SPAST: variants seen among roughly 807,000 people sequenced by gnomAD.
SPAST encodes the protein spastic paraplegia 4 (autosomal dominant; spastin).
SPAST carries 30 observed loss-of-function variants against 76.6 expected under a neutral mutation model. That is an observed-to-expected ratio of 0.39 (90% CI 0.29 to 0.53). The LOEUF (loss-of-function observed/expected upper bound fraction) is 0.53. Ranked by LOEUF, SPAST falls within the 20% of genes least tolerant of loss-of-function variation. The pLI, the probability that SPAST is intolerant of heterozygous loss-of-function variation, is 0.68. For synonymous variants in SPAST, 305 were observed against 281.0 expected, an observed-to-expected ratio of 1.09 and a Z score of -0.86; for missense variants, 717 against 770.5, an observed-to-expected ratio of 0.93 and a Z score of 0.82.
In SPAST at chr2:32,099,232, G is replaced by A. The variant is rs75452440; in HGVS notation, c.682+341G>A. Among the ~76,000 whole-genome samples, 341 of 152,046 alleles carry A rather than the reference G, an allele frequency of 2.2e-3. 11 individuals carry two copies. In the East Asian group the frequency reaches 0.053, roughly 23 times the overall value. ...GGATAGCTATACTGATTTTTTTCAT[G>A]AAATAGTGTTTTCTAAGACACATTT... On this transcript the variant is annotated intron_variant, in intron 4 of 16. Transcript: ENST00000315285.
intron 3 of SPAST, among the ~76,000 whole-genome samples, chr2:32,096,623 C>T (rs1304954282): frequency 2.6e-5 from 4 of 151,984 alleles, no homozygotes; most frequent in Admixed American, 2.0e-4. Context: ...GAAAAGAAAT[C>T]CTATAGCTTT....
At chr2:32,113,126 A>T (rs913027029) in intron 4 of SPAST, among the ~76,000 whole-genome samples, 2 of 151,842 alleles carry the variant, frequency 1.3e-5, no homozygotes, top group Non-Finnish European at 2.9e-5. Flanking sequence ...AAAATTGATT[A>T]TTATTATTAT....
At position 32,063,906 on chromosome 2, in the gene SPAST, G is replaced by T. The variant is rs926267776; in HGVS notation, c.75G>T (p.Pro25=). 1.3e-6 allele frequency: 2 copies of T among 1,581,624 alleles called. No homozygotes were observed. The highest frequency in any genetic ancestry group is 2.3e-5 in the East Asian group (1 of 43,706). ...GCAACCCGGTGCCTCCCAGGCCTCC[G>T]CCCCCTTGCCTGGCCCCCGCCCCTC... is the stretch of plus-strand genomic sequence containing the variant. ...GASNPVPPRP[P]PPCLAPAPPA... The change falls in exon 1 of 17, where the codon CCG becomes CCT. Residue 25 remains proline, a synonymous_variant. Coordinates refer to ENST00000315285, the MANE Select transcript of SPAST (RefSeq NM_014946.4).
chr2:32,094,272 G>A (rs1677837296), intron 3 of SPAST, among the ~76,000 whole-genome samples: 2 of 152,066 alleles, frequency 1.3e-5, no homozygotes, highest in Admixed American at 1.3e-4. Flanking sequence ...AGGCCAGAGT[G>A]CAATGGCGTG....
chr2:32,141,109 G>T (rs1214443266), intron 12 of SPAST, among the ~76,000 whole-genome samples: 1 of 152,072 alleles, frequency 6.6e-6, no homozygotes, highest in African/African-American at 2.4e-5. Context: ...AAACTAGCAT[G>T]CAGCCTCCCT....
Position 32,154,723 on chromosome 2 carries a change from T to C in SPAST, c.*227T>C, listed in dbSNP as rs1315406427. The C allele has an allele frequency of 1.9e-6, 1 of 525,954 alleles. No individual in the cohort carries two copies. The highest frequency in any genetic ancestry group is 3.4e-6 in the Non-Finnish European group (1 of 293,410). The allele number at this position is 525,954 out of a possible 1,614,324, so 32.6% of individuals were successfully genotyped here. On this transcript the variant is annotated 3_prime_UTR_variant, in exon 17 of 17. Transcript: ENST00000315285. ...GGCCTTGCCTTGATGGTCACAGTTATCCCAATGGACACTAAGTTAGAGCAC... is the reference window on the plus strand; with the variant it reads ...GGCCTTGCCTTGATGGTCACAGTTACCCCAATGGACACTAAGTTAGAGCAC...
intron 12 of SPAST, among the ~76,000 whole-genome samples, chr2:32,140,913 T>TC: frequency 6.6e-6 from 1 of 151,062 alleles, no homozygotes; most frequent in Admixed American, 6.6e-5. Flanking sequence ...TTTTGTTTGC[T>TC]CTTTTTTGGG....
At chr2:32,066,226 C>CGA (rs2148687986) in intron 1 of SPAST, 1 of 152,148 alleles carries the variant, frequency 6.6e-6, no homozygotes, top group Non-Finnish European at 1.5e-5. Context: ...TCGCCTGCCT[C>CGA]GACCTTCCAA....
At chr2:32,093,100 G>T (rs1392542991) in intron 3 of SPAST, among the ~76,000 whole-genome samples, 1 of 151,544 alleles carries the variant, frequency 6.6e-6, no homozygotes, top group Non-Finnish European at 1.5e-5. Flanking sequence ...TCAGGAGTTC[G>T]AGACCAGCTG....
rs1680215140 is a variant in SPAST at position 32,155,209 on chromosome 2, T to C, written c.*713T>C. On this transcript the variant is annotated 3_prime_UTR_variant, in exon 17 of 17. Transcript: ENST00000315285. ...GGTAAAATAGAGAAGGTTTGAAGGT[T>C]TGAGTTACTCTGTCATATAACATGT... The C allele has an allele frequency of 6.5e-6, 1 of 152,788 alleles. No individual in the cohort carries two copies. Among genetic ancestry groups the C allele is most frequent in the Non-Finnish European group, 1.5e-5 (1 of 68,168 alleles). 9.5% of individuals were successfully genotyped at this position (152,788 alleles called of 1,614,324 possible).
intron 3 of SPAST, among the ~76,000 whole-genome samples, chr2:32,092,877 C>T (rs566669066): frequency 3.3e-5 from 5 of 151,974 alleles, no homozygotes; most frequent in Admixed American, 2.0e-4. Context: ...GCTGGTGGTA[C>T]GCACCTGTAA....
At chr2:32,088,601 G>C (rs777036941) in intron 2 of SPAST, among the ~76,000 whole-genome samples, 1 of 152,142 alleles carries the variant, frequency 6.6e-6, no homozygotes, top group Non-Finnish European at 1.5e-5. Context: ...CCAAGATCGC[G>C]CCATTGCACT....
intron 14 of SPAST, 138 bp from the exon 15 acceptor site, chr2:32,144,799 G>A (rs1679832328): frequency 1.5e-6 from 1 of 668,416 alleles, no homozygotes; most frequent in African/African-American, 1.8e-5. Context: ...TGAGGTAGGA[G>A]AATCGCTCCA....
At chr2:32,099,707 A>G (rs1480758456) in intron 4 of SPAST, among the ~76,000 whole-genome samples, 1 of 152,036 alleles carries the variant, frequency 6.6e-6, no homozygotes, top group African/African-American at 2.4e-5. Context: ...AAATGATATA[A>G]TATATTATAT....
intron 4 of SPAST, among the ~76,000 whole-genome samples, chr2:32,108,572 G>A (rs1445419585): frequency 1.3e-5 from 2 of 151,798 alleles, no homozygotes; most frequent in African/African-American, 4.8e-5. Context: ...CTGGAGTACA[G>A]CTGAAATTAG....
chr2:32,104,549 A>T lies in SPAST; in HGVS notation c.682+5658A>T, dbSNP rs188985604. On this transcript the variant is annotated intron_variant, in intron 4 of 16. Coordinates refer to ENST00000315285, the MANE Select transcript of SPAST (RefSeq NM_014946.4). Reference sequence around the variant, plus strand: ...TTGATGCAGTTTCTTCCTAGCCTCGATGGTCTTTACAATTTGGCATGTTTT... The same window carrying T: ...TTGATGCAGTTTCTTCCTAGCCTCGTTGGTCTTTACAATTTGGCATGTTTT... Among the ~76,000 whole-genome samples the T allele has an allele frequency of 7.6e-3, 1,152 of 152,186 alleles. 15 individuals carry two copies. Among genetic ancestry groups the T allele is most frequent in the African/African-American group, 0.024 (981 of 41,498 alleles).
At chr2:32,104,543 G>A (rs1413436803) in intron 4 of SPAST, among the ~76,000 whole-genome samples, 3 of 152,154 alleles carry the variant, frequency 2.0e-5, no homozygotes, top group East Asian at 1.9e-4. Context: ...TTTCTTCCTA[G>A]CCTCGATGGT....
At chr2:32,123,294 A>C (rs1679079711) in intron 7 of SPAST, among the ~76,000 whole-genome samples, 1 of 152,098 alleles carries the variant, frequency 6.6e-6, no homozygotes, top group Non-Finnish European at 1.5e-5. Flanking sequence ...TCATATTAAC[A>C]CTAATAAAAT....
chr2:32,116,176 G>A lies in SPAST; in HGVS notation c.1062G>A (p.Leu354=). The A allele has an allele frequency of 6.2e-7, 1 of 1,613,344 alleles. No homozygotes were observed. The highest frequency in any genetic ancestry group is 1.1e-5 in the South Asian group (1 of 91,072). The change falls in exon 7 of 17, where the codon TTG becomes TTA. Residue 354 remains leucine (L), a synonymous_variant. Coordinates refer to ENST00000315285, the MANE Select transcript of SPAST (RefSeq NM_014946.4). ...GTCAAGACTTGGCAAAACAAGCATT[G>A]CAAGAAATTGTTATTCTTCCTTCTC... ...IAGQDLAKQA[L]QEIVILPSLR... is the part of the protein sequence containing the mutation.
Sources: allele counts gnomAD v4.1 joint callset (sites outside exome capture counted in the v4.1 genomes callset), GRCh38; gene constraint gnomAD v4.1.1; transcripts MANE v1.5; gene names NCBI Gene and HGNC (gene_info 2026-07-23, HGNC 2026-07-21).